The following SDCCAG8 variants were observed in gnomAD, a reference collection of about 807,000 sequenced individuals.
The protein encoded by SDCCAG8 is SHH signaling and ciliogenesis regulator SDCCAG8.
SDCCAG8 carries 74 observed loss-of-function variants against 101.8 expected under a neutral mutation model. The observed-to-expected ratio is 0.73, with a 90% CI of 0.60 to 0.88. The LOEUF (loss-of-function observed/expected upper bound fraction) is 0.88, where lower values mean the gene tolerates loss of function less well. SDCCAG8 is among the 40% of genes least tolerant of loss of function. The pLI, the probability that SDCCAG8 is intolerant of heterozygous loss-of-function variation, is 0.00. For missense variants in SDCCAG8, 787 were observed against 822.6 expected, an observed-to-expected ratio of 0.96 and a Z score of 0.53; for synonymous variants, 281 against 292.9, an observed-to-expected ratio of 0.96 and a Z score of 0.41.
chr1:243,386,658 C>G (rs2078312751), intron 13 of SDCCAG8, among the ~76,000 whole-genome samples: 1 of 152,070 alleles, frequency 6.6e-6, no homozygotes, highest in Non-Finnish European at 1.5e-5. Flanking sequence ...GAGGCTGAGG[C>G]AGGAGAATCT....
intron 12 of SDCCAG8, 141 bp from the exon 13 acceptor site, chr1:243,378,580 G>A: frequency 1.2e-6 from 1 of 841,746 alleles, no homozygotes; most frequent in Non-Finnish European, 1.9e-6. Context: ...AATTCCTTTT[G>A]TCATAAAATG....
At chr1:243,460,092 T>C (rs1265932080) in intron 16 of SDCCAG8, among the ~76,000 whole-genome samples, 1 of 152,206 alleles carries the variant, frequency 6.6e-6, no homozygotes, top group African/African-American at 2.4e-5. Flanking sequence ...ACCATGGCAA[T>C]ATTAATGTTA....
intron 4 of SDCCAG8, among the ~76,000 whole-genome samples, chr1:243,282,809 A>G (rs1345839156): frequency 6.6e-6 from 1 of 151,882 alleles, no homozygotes; most frequent in Admixed American, 6.6e-5. Flanking sequence ...TTTGTAGGTA[A>G]GGTTTTTGTT....
At chr1:243,390,026 G>T (rs1247810905) in intron 13 of SDCCAG8, among the ~76,000 whole-genome samples, 1 of 152,118 alleles carries the variant, frequency 6.6e-6, no homozygotes, top group Non-Finnish European at 1.5e-5. Context: ...CAAAAAGTTG[G>T]GGGGAACTCA....
At chr1:243,328,240 G>A (rs554671482) in intron 9 of SDCCAG8, among the ~76,000 whole-genome samples, 1 of 151,536 alleles carries the variant, frequency 6.6e-6, no homozygotes, top group East Asian at 2.0e-4. Flanking sequence ...TTGGTTACAC[G>A]CTAAGAGACA....
intron 16 of SDCCAG8, among the ~76,000 whole-genome samples, chr1:243,484,215 AG>A (rs950655669): frequency 1.3e-5 from 2 of 152,254 alleles, no homozygotes; most frequent in African/African-American, 4.8e-5. Context: ...GTTTGGCTAC[AG>A]AGTCCAGCGT....
At chr1:243,324,382 T>A (rs1418808320) in intron 9 of SDCCAG8, among the ~76,000 whole-genome samples, 4 of 151,326 alleles carry the variant, frequency 2.6e-5, no homozygotes, top group Admixed American at 2.0e-4. Flanking sequence ...CTCTTCAGAG[T>A]CAAATTTCTA....
chr1:243,317,270 G>A lies in SDCCAG8; in HGVS notation c.1068+377G>A, dbSNP rs965349749. 3.3e-5 allele frequency among the ~76,000 whole-genome samples: 5 copies of A among 151,078 alleles called. No homozygotes were observed. The East Asian group carries it at 9.7e-4, about 29-fold the overall frequency. On this transcript the variant is annotated intron_variant, in intron 9 of 17. Coordinates refer to ENST00000366541, the MANE Select transcript of SDCCAG8 (RefSeq NM_006642.5). ...TTTTCCTCAATAATTGGGAAGTTTT[G>A]AGAAAATCCAAATATACCAAAGACA... is the stretch of plus-strand genomic sequence containing the variant.
At chr1:243,287,256 C>T (rs1354457014) in intron 5 of SDCCAG8, among the ~76,000 whole-genome samples, 1 of 152,204 alleles carries the variant, frequency 6.6e-6, no homozygotes, top group Non-Finnish European at 1.5e-5. Context: ...GGGACAAATT[C>T]AACTTTCCAT....
intron 16 of SDCCAG8, among the ~76,000 whole-genome samples, chr1:243,473,926 GGGGGGGGGGGGGGCC>G (rs1558517503): frequency 9.3e-6 from 1 of 107,720 alleles, no homozygotes; most frequent in Non-Finnish European, 2.0e-5. Context: ...TGCCGGCGGG[GGGGGGGGGGGGGGCC>G]GGGGGAGTAC....
chr1:243,381,082 C>T (rs944634836), intron 13 of SDCCAG8, among the ~76,000 whole-genome samples: 9 of 151,968 alleles, frequency 5.9e-5, no homozygotes, highest in Admixed American at 2.6e-4. Context: ...CAGATAACAC[C>T]TTACCACACA....
At chr1:243,368,980 A>G (rs1573607420) in intron 12 of SDCCAG8, among the ~76,000 whole-genome samples, 1 of 152,148 alleles carries the variant, frequency 6.6e-6, no homozygotes, top group South Asian at 2.1e-4. Flanking sequence ...GTGGAGTGAC[A>G]TTTCAGGAGG....
Position 243,256,170 on chromosome 1 carries a change from G to T in SDCCAG8, c.-4G>T, listed in dbSNP as rs113193158. Reference sequence around the variant, plus strand: ...ACTCCCAGCTCTGGGCCTAGAGTGCGTGCATGGCGAAGTCCCCGGAGAACT... The same window carrying T: ...ACTCCCAGCTCTGGGCCTAGAGTGCTTGCATGGCGAAGTCCCCGGAGAACT... On this transcript the variant is annotated 5_prime_UTR_variant, in exon 1 of 18. Coordinates refer to ENST00000366541, the MANE Select transcript of SDCCAG8 (RefSeq NM_006642.5). The T allele has an allele frequency of 6.2e-7, 1 of 1,613,740 alleles. No individual in the cohort carries two copies. Among genetic ancestry groups the T allele is most frequent in the African/African-American group, 1.3e-5 (1 of 74,948 alleles).
intron 9 of SDCCAG8, among the ~76,000 whole-genome samples, chr1:243,330,256 A>G (rs1263952798): frequency 2.0e-5 from 3 of 152,142 alleles, no homozygotes; most frequent in East Asian, 3.8e-4. Flanking sequence ...TCCCTTTTTT[A>G]AAATTCTGAC....
intron 16 of SDCCAG8, among the ~76,000 whole-genome samples, chr1:243,468,550 A>G (rs1660599353): frequency 6.6e-6 from 1 of 152,218 alleles, no homozygotes; most frequent in Non-Finnish European, 1.5e-5. Flanking sequence ...GGCCAGGTGC[A>G]ATGGCTCATA....
intron 13 of SDCCAG8, among the ~76,000 whole-genome samples, chr1:243,415,034 A>G (rs1211303901): frequency 2.0e-5 from 3 of 152,196 alleles, no homozygotes. Flanking sequence ...CTATCACAGT[A>G]CGATGGGTTG....
chr1:243,335,265 G>T (rs115487429), intron 10 of SDCCAG8, among the ~76,000 whole-genome samples: 2 of 152,278 alleles, frequency 1.3e-5, no homozygotes, highest in African/African-American at 2.4e-5. Flanking sequence ...GTTTAGAAAC[G>T]CAGAGTATGG....
intron 9 of SDCCAG8, among the ~76,000 whole-genome samples, chr1:243,330,291 C>T (rs1021189295): frequency 2.0e-5 from 3 of 152,102 alleles, no homozygotes; most frequent in African/African-American, 7.2e-5. Context: ...CATCAAGGTT[C>T]ATTACCTGAA....
At chr1:243,398,781 C>A (rs2079183078) in intron 13 of SDCCAG8, among the ~76,000 whole-genome samples, 1 of 152,210 alleles carries the variant, frequency 6.6e-6, no homozygotes, top group African/African-American at 2.4e-5. Flanking sequence ...AAATTGTAAA[C>A]TTCTTATAGG....
Sources: gnomAD v4.1 joint callset for allele counts (sites outside exome capture counted in the v4.1 genomes callset) on GRCh38, gnomAD v4.1.1 for gene constraint, MANE v1.5 for transcripts, NCBI Gene and HGNC (gene_info 2026-07-23, HGNC 2026-07-21) for gene names.